ZC3H12C: variants seen among roughly 807,000 people sequenced by gnomAD.
ZC3H12C encodes the protein zinc finger CCCH-type containing 12C, also known as probable ribonuclease ZC3H12C.
In ZC3H12C, 20 loss-of-function variants were observed where a neutral mutation model predicts 76.3. That is an observed-to-expected ratio of 0.26 (90% CI 0.18 to 0.38). ZC3H12C has a LOEUF of 0.38. Ranked by LOEUF, ZC3H12C falls within the 10% of genes least tolerant of loss-of-function variation. ZC3H12C has a pLI of 1.00. For synonymous variants in ZC3H12C, 352 were observed against 399.6 expected, an observed-to-expected ratio of 0.88 and a Z score of 1.42; for missense variants, 874 against 1,086.5, an observed-to-expected ratio of 0.80 and a Z score of 2.75.
chr11:110,117,704 TTATA>T (rs1192430701), intron 1 of ZC3H12C, among the ~76,000 whole-genome samples: 1 of 132,366 alleles, frequency 7.6e-6, no homozygotes, highest in Non-Finnish European at 1.6e-5. Context: ...CACATATATA[TTATA>T]TATATACACA....
chr11:110,108,208 G>A (rs540661264), intron 1 of ZC3H12C, among the ~76,000 whole-genome samples: 108 of 152,068 alleles, frequency 7.1e-4, no homozygotes, highest in Non-Finnish European at 1.3e-3. Context: ...CTCCTGCCTC[G>A]GCCTCCTAAA....
chr11:110,126,509 T>C (rs547421724), intron 1 of ZC3H12C, among the ~76,000 whole-genome samples: 1 of 152,280 alleles, frequency 6.6e-6, no homozygotes, highest in East Asian at 1.9e-4. Context: ...TGTGAGCCAC[T>C]GCACCCAGTT....
chr11:110,118,002 ATT>A lies in ZC3H12C; in HGVS notation c.22-18660_22-18659del, dbSNP rs1491506743. On this transcript the variant is annotated intron_variant, in intron 1 of 5. Transcript: ENST00000278590. Reference sequence around the variant, plus strand: ...ATATTATATATATACACACATATATATTATATATATACACACACACATATATA... The same window carrying A: ...ATATTATATATATACACACATATATAATATATATACACACACACATATATA... 7.0e-5 allele frequency among the ~76,000 whole-genome samples: 9 copies of A among 127,950 alleles called. 3 individuals are homozygous for A. Among genetic ancestry groups the A allele is most frequent in the Admixed American group, 2.5e-4 (3 of 12,088 alleles). 83.9% of individuals were successfully genotyped at this position (127,950 alleles called of 152,430 possible). A position where few individuals can be genotyped will look rare whatever the true frequency, so the allele number is the denominator to read the frequency against.
Position 110,159,351 on chromosome 11 carries a change from A to G in ZC3H12C, c.1009A>G (p.Arg337Gly). The stretch of plus-strand genomic sequence containing the variant: ...GAGGAGAGTGGTGTGCTATGACGAC[A>G]GGTTCATCGTGAAGCTGGCTTTTGA... ...QGRRVVCYDD[R>G]FIVKLAFESD... The change falls in exon 4 of 6, where the codon AGG becomes GGG. Residue 337 changes from arginine to glycine, a missense_variant. Arg to Gly is a moderately radical substitution (Grantham distance 125). Transcript: ENST00000278590. 6.2e-7 allele frequency: 1 copy of G among 1,614,066 alleles called. No individual in the cohort carries two copies. Among genetic ancestry groups the G allele is most frequent in the Non-Finnish European group, 8.5e-7 (1 of 1,180,010 alleles).
intron 1 of ZC3H12C, among the ~76,000 whole-genome samples, chr11:110,108,458 G>A (rs1351777532): frequency 6.6e-6 from 1 of 152,168 alleles, no homozygotes; most frequent in Non-Finnish European, 1.5e-5. Flanking sequence ...ATAGCATGAG[G>A]TTTTTATTAA....
chr11:110,165,406 T>G lies in ZC3H12C; in HGVS notation c.2321T>G (p.Leu774Arg). The G allele has an allele frequency of 6.2e-7, 1 of 1,613,984 alleles. No homozygotes were observed. The highest frequency in any genetic ancestry group is 8.5e-7 in the Non-Finnish European group (1 of 1,179,884). The change falls in exon 6 of 6, where the codon CTG becomes CGG. Residue 774 changes from leucine (L) to arginine (R), a missense_variant. By Grantham distance (102) the Leu-to-Arg change is moderately radical (BLOSUM62 -2). This residue lies in a region of ZC3H12C where 395 missense variants were observed against 434.4 expected (regional missense o/e 0.91). Coordinates refer to ENST00000278590, the MANE Select transcript of ZC3H12C (RefSeq NM_033390.2). The part of the protein sequence containing the change: ...QRKPYSRQEG[L>R]GSWERPGYGI... ...AAGCCTTATTCCCGCCAGGAAGGCC[T>G]GGGAAGCTGGGAGAGGCCAGGCTAT...
chr11:110,111,324 G>A (rs1328305080), intron 1 of ZC3H12C, among the ~76,000 whole-genome samples: 1 of 151,970 alleles, frequency 6.6e-6, no homozygotes, highest in South Asian at 2.1e-4. Context: ...ATTTACATAT[G>A]ATCAAAATCC....
chr11:110,148,546 A>G (rs1208887577), intron 2 of ZC3H12C, among the ~76,000 whole-genome samples: 1 of 152,204 alleles, frequency 6.6e-6, no homozygotes, highest in African/African-American at 2.4e-5. Flanking sequence ...CTTTTTGGCA[A>G]ACATTCAGAG....
chr11:110,115,083 A>C (rs1340953931), intron 1 of ZC3H12C, among the ~76,000 whole-genome samples: 1 of 151,940 alleles, frequency 6.6e-6, no homozygotes, highest in Non-Finnish European at 1.5e-5. Context: ...TGAAGGTTTC[A>C]CTTCTCATTT....
At chr11:110,134,415 C>T (rs1203346114) in intron 1 of ZC3H12C, among the ~76,000 whole-genome samples, 2 of 152,092 alleles carry the variant, frequency 1.3e-5, no homozygotes, top group Non-Finnish European at 2.9e-5. Flanking sequence ...ATAGGTTTTC[C>T]TCGTTTAAGA....
chr11:110,162,606 C>T (rs1591487468), intron 4 of ZC3H12C, among the ~76,000 whole-genome samples: 2 of 152,190 alleles, frequency 1.3e-5, no homozygotes, highest in Non-Finnish European at 2.9e-5. Context: ...ATTTCCTTAG[C>T]ATTTTTTTCT....
chr11:110,139,804 A>T (rs1224800714), intron 2 of ZC3H12C, among the ~76,000 whole-genome samples: 2 of 151,674 alleles, frequency 1.3e-5, no homozygotes, highest in Admixed American at 6.6e-5. Flanking sequence ...CTAGCATTCT[A>T]CTTTTGTAGA....
intron 1 of ZC3H12C, among the ~76,000 whole-genome samples, chr11:110,098,027 A>G (rs1308314513): frequency 6.6e-6 from 1 of 152,216 alleles, no homozygotes; most frequent in African/African-American, 2.4e-5. Context: ...TATACAAAAA[A>G]AAGTTAACTG....
intron 1 of ZC3H12C, among the ~76,000 whole-genome samples, chr11:110,123,051 ATTGT>A (rs1177867534): frequency 6.6e-6 from 1 of 152,006 alleles, no homozygotes; most frequent in Non-Finnish European, 1.5e-5. Context: ...GTATTAATTT[ATTGT>A]TTATTTCTGG....
chr11:110,158,441 C>G (rs1301068139), intron 3 of ZC3H12C, among the ~76,000 whole-genome samples: 2 of 151,332 alleles, frequency 1.3e-5, no homozygotes, highest in Non-Finnish European at 2.9e-5. Context: ...ACCGGGGAGG[C>G]GGAGGTTGCA....
intron 1 of ZC3H12C, among the ~76,000 whole-genome samples, chr11:110,112,225 G>T (rs1040605658): frequency 1.7e-4 from 26 of 152,134 alleles, no homozygotes; most frequent in African/African-American, 6.3e-4. Flanking sequence ...TTGAGACAGG[G>T]TCTGGCTTTG....
intron 1 of ZC3H12C, chr11:110,130,922 G>A (rs1861853193): frequency 1.8e-6 from 2 of 1,096,614 alleles, no homozygotes; most frequent in Non-Finnish European, 2.6e-6. Flanking sequence ...CTAATTGTGA[G>A]CTTTCTGGCC....
At chr11:110,150,034 A>G (rs946331568) in intron 2 of ZC3H12C, among the ~76,000 whole-genome samples, 1 of 152,112 alleles carries the variant, frequency 6.6e-6, no homozygotes, top group Admixed American at 6.5e-5. Flanking sequence ...ATTTTTGTAT[A>G]TGATGTGAGA....
intron 1 of ZC3H12C, chr11:110,124,161 CCCGTCATCACTGG>C (rs1861698593): frequency 6.6e-6 from 1 of 152,208 alleles, no homozygotes; most frequent in African/African-American, 2.4e-5. Flanking sequence ...CGGGAAAAGA[CCCGTCATCACTGG>C]GAGTCTTGAG....
Sources: allele counts gnomAD v4.1 joint callset (sites outside exome capture counted in the v4.1 genomes callset), GRCh38; gene constraint gnomAD v4.1.1; regional missense constraint gnomAD v4.1.1; transcripts MANE v1.5; gene names NCBI Gene and HGNC (gene_info 2026-07-23, HGNC 2026-07-21).